The following C10orf67 variants were observed in gnomAD, a reference collection of about 807,000 sequenced individuals.
C10orf67 encodes uncharacterized protein C10orf67, mitochondrial.
C10orf67 carries 60 observed loss-of-function variants against 35.6 expected under a neutral mutation model. The observed-to-expected ratio is 1.68, with a 90% CI of 1.37 to 2.09. The LOEUF is 2.09. C10orf67 is among the 30% of genes most tolerant of loss of function. The probability of loss-of-function intolerance (pLI) is 0.00; values close to 1 mark genes in which losing one functional copy is unlikely to be tolerated. For missense variants in C10orf67, 474 were observed against 330.2 expected, an observed-to-expected ratio of 1.44 and a Z score of -3.38; for synonymous variants, 167 against 115.8, an observed-to-expected ratio of 1.44 and a Z score of -2.84.
rs1250013366 is a variant in C10orf67 at position 23,223,604 on chromosome 10, G to A, written c.1564C>T (p.Pro522Ser). The A allele has an allele frequency of 2.8e-6, 2 of 717,264 alleles. No homozygotes were observed. Among genetic ancestry groups the A allele is most frequent in the African/African-American group, 3.5e-5 (2 of 57,190 alleles). The allele number at this position is 717,264 out of a possible 1,614,324, so 44.4% of individuals were successfully genotyped here. ...CAACAATAATGATTCTTACCTTTTG[G>A]TGAAAGTTGAAGGGCTGCCTGATCA... Reference protein sequence around the residue: ...VSDQAALQLSPKGKLSESPKE... With the variant: ...VSDQAALQLSSKGKLSESPKE... Residue 522 changes from proline (P) to serine (S), a missense_variant, in exon 15 of 16, where the codon CCA becomes TCA. Physicochemically the swap from Pro to Ser is moderately conservative, Grantham distance 74 (BLOSUM62 -1). Coordinates refer to ENST00000636213, the MANE Select transcript of C10orf67 (RefSeq NM_001371909.1).
chr10:23,228,112 A>T (rs1841794898), intron 13 of C10orf67, among the ~76,000 whole-genome samples: 1 of 152,218 alleles, frequency 6.6e-6, no homozygotes, highest in Non-Finnish European at 1.5e-5. Flanking sequence ...ATGGAACCAA[A>T]AAAGAGCCCT....
intron 13 of C10orf67, among the ~76,000 whole-genome samples, chr10:23,229,572 T>TA (rs1285097326): frequency 2.0e-5 from 3 of 152,096 alleles, no homozygotes; most frequent in African/African-American, 4.8e-5. Context: ...CCCTAGAACT[T>TA]AAAGTATAAT....
intron 8 of C10orf67, among the ~76,000 whole-genome samples, chr10:23,278,488 T>A (rs945661996): frequency 2.6e-4 from 40 of 152,134 alleles, no homozygotes; most frequent in African/African-American, 9.7e-4. Context: ...GGCCATCTAC[T>A]CCATGAGGGC....
intron 8 of C10orf67, among the ~76,000 whole-genome samples, chr10:23,280,074 C>T (rs112691587): frequency 1.3e-3 from 194 of 152,152 alleles, no homozygotes; most frequent in African/African-American, 4.5e-3. Context: ...AGGCAGGTCT[C>T]GAACTCCTGG....
chr10:23,322,124 C>T (rs1844978254), intron 3 of C10orf67, among the ~76,000 whole-genome samples: 1 of 152,164 alleles, frequency 6.6e-6, no homozygotes, highest in Non-Finnish European at 1.5e-5. Context: ...GTTAATTAGC[C>T]TTTCTGTGCC....
intron 1 of C10orf67, among the ~76,000 whole-genome samples, chr10:23,341,978 C>A (rs1336857867): frequency 6.6e-6 from 1 of 152,096 alleles, no homozygotes; most frequent in Non-Finnish European, 1.5e-5. Flanking sequence ...TTGAGACCAG[C>A]CTGGGCAACA....
At chr10:23,217,910 A>G (rs1841474580) in intron 15 of C10orf67, among the ~76,000 whole-genome samples, 1 of 152,164 alleles carries the variant, frequency 6.6e-6, no homozygotes, top group African/African-American at 2.4e-5. Flanking sequence ...TTACCTGCCT[A>G]TTTATTTCAA....
At chr10:23,274,119 G>C (rs1843109763) in intron 8 of C10orf67, among the ~76,000 whole-genome samples, 1 of 152,116 alleles carries the variant, frequency 6.6e-6, no homozygotes, top group Non-Finnish European at 1.5e-5. Context: ...TGTACGAATA[G>C]GGAGTGGGTC....
chr10:23,204,858 G>T (rs1028146605), intron 15 of C10orf67, among the ~76,000 whole-genome samples: 1 of 152,138 alleles, frequency 6.6e-6, no homozygotes, highest in South Asian at 2.1e-4. Flanking sequence ...AAAGCGTTGG[G>T]GGTCTGAGAC....
chr10:23,344,471 G>A lies in C10orf67; in HGVS notation c.206+98C>T, dbSNP rs1331220986. 9 of 1,164,920 alleles carry A rather than the reference G, an allele frequency of 7.7e-6. No homozygotes were observed. The African/African-American group carries it at 1.4e-4, about 18-fold the overall frequency. 72.2% of individuals were successfully genotyped at this position (1,164,920 alleles called of 1,614,324 possible). ...GCCTGGAGGCTGCTGCGATACCCCA[G>A]AGGAAAGCTGCACCCCCGTAAATAA... is the stretch of plus-strand genomic sequence containing the variant. On this transcript the variant is annotated intron_variant, in intron 1 of 15. Coordinates refer to ENST00000636213, the MANE Select transcript of C10orf67 (RefSeq NM_001371909.1).
intron 13 of C10orf67, among the ~76,000 whole-genome samples, chr10:23,227,759 T>A (rs1841781105): frequency 6.6e-6 from 1 of 152,162 alleles, no homozygotes; most frequent in Admixed American, 6.5e-5. Flanking sequence ...ACAAAATCAA[T>A]GTGCAAAAAT....
chr10:23,281,600 G>T (rs150471839), intron 8 of C10orf67, among the ~76,000 whole-genome samples: 1 of 152,148 alleles, frequency 6.6e-6, no homozygotes, highest in East Asian at 1.9e-4. Context: ...TAAAAAGGCA[G>T]TGTTTTCTTA....
chr10:23,239,897 GA>G (rs1353883406), intron 12 of C10orf67, 81 bp from the exon 13 acceptor site: 1 of 470,396 alleles, frequency 2.1e-6, no homozygotes, highest in African/African-American at 2.0e-5. Context: ...AATGAGGTAG[GA>G]AACTACATTA....
intron 13 of C10orf67, among the ~76,000 whole-genome samples, chr10:23,237,505 G>T (rs181756956): frequency 4.6e-5 from 7 of 152,010 alleles, no homozygotes; most frequent in Admixed American, 4.6e-4. Context: ...AGCCCTAACT[G>T]GAAAGAGCTC....
chr10:23,231,661 C>G (rs979290052), intron 13 of C10orf67, among the ~76,000 whole-genome samples: 2 of 152,180 alleles, frequency 1.3e-5, no homozygotes, highest in African/African-American at 4.8e-5. Flanking sequence ...AGTATAAAAC[C>G]TGGAAGAGCT....
At chr10:23,218,553 G>T (rs1219658375) in intron 15 of C10orf67, among the ~76,000 whole-genome samples, 1 of 152,034 alleles carries the variant, frequency 6.6e-6, no homozygotes, top group Non-Finnish European at 1.5e-5. Flanking sequence ...CCTAAGAAAA[G>T]GTAGTTGAGA....
intron 4 of C10orf67, among the ~76,000 whole-genome samples, chr10:23,310,101 GC>G (rs975467155): frequency 6.6e-6 from 1 of 152,154 alleles, no homozygotes; most frequent in African/African-American, 2.4e-5. Flanking sequence ...TTCCCACACT[GC>G]CCCTGCAAAT....
At chr10:23,329,799 A>AAAAAG (rs1845366567) in intron 2 of C10orf67, among the ~76,000 whole-genome samples, 1 of 145,702 alleles carries the variant, frequency 6.9e-6, no homozygotes, top group African/African-American at 2.6e-5. Context: ...ACTTGTCTCA[A>AAAAAG]AAAAAAAAAA....
Position 23,344,751 on chromosome 10 carries a change from C to T in C10orf67, c.24G>A (p.Arg8=), listed in dbSNP as rs1846079885. The T allele has an allele frequency of 2.6e-6, 4 of 1,567,522 alleles. No homozygotes were observed. The highest frequency in any genetic ancestry group is 2.4e-5 in the South Asian group (2 of 84,884). Residue 8 remains arginine (R), a synonymous_variant, in exon 1 of 16, where the codon AGG becomes AGA. Transcript: ENST00000636213. MALVRDR[R]AHYVMSIVIR... is the part of the protein sequence containing the mutation. ...TAACTATGCTCATGACATAATGAGCCCTGCGATCCCGGACCAAGGCCATCA... is the reference window on the plus strand; with the variant it reads ...TAACTATGCTCATGACATAATGAGCTCTGCGATCCCGGACCAAGGCCATCA...
Sources: gnomAD v4.1 joint callset for allele counts (sites outside exome capture counted in the v4.1 genomes callset) on GRCh38, gnomAD v4.1.1 for gene constraint, MANE v1.5 for transcripts, NCBI Gene and HGNC (gene_info 2026-07-23, HGNC 2026-07-21) for gene names.